API5: variants seen among roughly 807,000 people sequenced by gnomAD.
API5 encodes FIF.
In API5, 6 loss-of-function variants were observed where a neutral mutation model predicts 71.9. That is an observed-to-expected ratio of 0.08 (90% CI 0.05 to 0.16). The LOEUF is 0.16. Ranked by LOEUF, API5 falls within the 10% of genes least tolerant of loss-of-function variation. API5 has a pLI of 1.00. For synonymous variants in API5, 189 were observed against 221.3 expected, an observed-to-expected ratio of 0.85 and a Z score of 1.30; for missense variants, 332 against 612.8, an observed-to-expected ratio of 0.54 and a Z score of 4.84.
At chr11:43,320,771 A>AT (rs751518292) in intron 2 of API5, 50 bp from the exon 3 acceptor site, 2 of 1,358,566 alleles carry the variant, frequency 1.5e-6, no homozygotes, top group Non-Finnish European at 2.1e-6. Flanking sequence ...GCTGTTTGTT[A>AT]TTTTAAAGGT....
At chr11:43,323,678 A>G (rs1334478683) in intron 6 of API5, 42 bp downstream of exon 6, 2 of 1,559,866 alleles carry the variant, frequency 1.3e-6, no homozygotes, top group Non-Finnish European at 1.8e-6. Flanking sequence ...AGCTATATAT[A>G]TATTTCCATA....
intron 13 of API5, among the ~76,000 whole-genome samples, chr11:43,339,614 G>C (rs946741566): frequency 3.3e-5 from 5 of 152,094 alleles, no homozygotes; most frequent in Non-Finnish European, 5.9e-5. Flanking sequence ...GATATGCTTA[G>C]TTTATATCAG....
intron 1 of API5, 106 bp from the exon 2 acceptor site, chr11:43,318,534 C>G: frequency 6.4e-7 from 1 of 1,568,732 alleles, no homozygotes; most frequent in Non-Finnish European, 8.6e-7. Context: ...TATTTCTTAG[C>G]CTGTGTAAAA....
chr11:43,325,817 A>G (rs939846475), intron 6 of API5, among the ~76,000 whole-genome samples: 1 of 152,172 alleles, frequency 6.6e-6, no homozygotes, highest in African/African-American at 2.4e-5. Flanking sequence ...ACCAGTTAAG[A>G]GGAAGGGCTA....
intron 1 of API5, 63 bp from the exon 2 acceptor site, chr11:43,318,577 T>G: frequency 6.3e-7 from 1 of 1,591,146 alleles, no homozygotes; most frequent in Non-Finnish European, 8.6e-7. Context: ...TTTGTTATGG[T>G]CTTTTACTTT....
chr11:43,333,269 G>A (rs1314134137), intron 11 of API5, among the ~76,000 whole-genome samples: 2 of 152,096 alleles, frequency 1.3e-5, no homozygotes, highest in East Asian at 3.9e-4. Flanking sequence ...ATACTTTAAA[G>A]CATCTCTAGA....
rs1437344527 is a variant in API5 at position 43,327,873 on chromosome 11, T to C, written c.940T>C (p.Leu314=). ...ETNLRKLFDK[L]LEYMPLPPEE... is the part of the protein sequence containing the mutation. The stretch of plus-strand genomic sequence containing the variant: ...AAATTTAAGGAAACTATTTGATAAG[T>C]TATTGGTAAGAACTTTTTCCTTTCC... Residue 314 remains leucine (L), a synonymous_variant, in exon 8 of 14, where the codon TTA becomes CTA. Coordinates refer to ENST00000531273, the MANE Select transcript of API5 (RefSeq NM_001142930.2). 5.0e-6 allele frequency: 8 copies of C among 1,608,242 alleles called. No individual in the cohort carries two copies. Among genetic ancestry groups the C allele is most frequent in the Non-Finnish European group, 6.8e-6 (8 of 1,175,852 alleles).
intron 10 of API5, 103 bp from the exon 11 acceptor site, chr11:43,330,405 G>A (rs7946465): frequency 5.1e-5 from 44 of 868,618 alleles, no homozygotes; most frequent in African/African-American, 1.0e-4. Flanking sequence ...AGACTGTAGA[G>A]GTGATTCTGA....
intron 1 of API5, among the ~76,000 whole-genome samples, chr11:43,312,872 G>T (rs909598909): frequency 6.6e-6 from 1 of 152,110 alleles, no homozygotes; most frequent in Non-Finnish European, 1.5e-5. Context: ...ACTTTGGGAG[G>T]CCGAGGCGGG....
intron 8 of API5, 124 bp from the exon 9 acceptor site, chr11:43,328,588 T>G: frequency 1.2e-6 from 1 of 819,702 alleles, no homozygotes; most frequent in Non-Finnish European, 1.9e-6. Flanking sequence ...GAAATCCAAA[T>G]GTCTGGTTTT....
chr11:43,340,852 C>T (rs1054777287), intron 13 of API5, among the ~76,000 whole-genome samples: 2 of 152,032 alleles, frequency 1.3e-5, no homozygotes, highest in Non-Finnish European at 2.9e-5. Context: ...TAAGAGAAAA[C>T]AAGAAGCACT....
In API5 at chr11:43,344,058, A is replaced by ATG. The variant is rs1855707621; in HGVS notation, c.*1548_*1549insTG. 1 of 152,642 alleles carries ATG rather than the reference A, an allele frequency of 6.6e-6. No homozygotes were observed. Among genetic ancestry groups the ATG allele is most frequent in the Non-Finnish European group, 1.5e-5 (1 of 68,040 alleles). 9.5% of individuals were successfully genotyped at this position (152,642 alleles called of 1,614,324 possible). ...CTATGGAGTGGTGGCAATAATCTCT[A>ATG]AACATTCCAAAAGACCATGAGCTGA... is the stretch of plus-strand genomic sequence containing the variant. On this transcript the variant is annotated 3_prime_UTR_variant, in exon 14 of 14. Coordinates refer to ENST00000531273, the MANE Select transcript of API5 (RefSeq NM_001142930.2).
intron 7 of API5, 129 bp downstream of exon 7, chr11:43,326,740 C>T (rs1855089567): frequency 3.4e-6 from 2 of 583,338 alleles, no homozygotes; most frequent in African/African-American, 1.9e-5. Flanking sequence ...CCAGTAATCT[C>T]CCTAGACCAG....
intron 9 of API5, 123 bp downstream of exon 9, chr11:43,329,016 AG>A: frequency 1.0e-6 from 1 of 982,826 alleles, no homozygotes; most frequent in South Asian, 1.6e-5. Flanking sequence ...TACAGATTGG[AG>A]GGTTCAGAAA....
At chr11:43,321,582 C>A in intron 4 of API5, 106 bp downstream of exon 4, 1 of 900,984 alleles carries the variant, frequency 1.1e-6, no homozygotes, top group Non-Finnish European at 1.6e-6. Flanking sequence ...AGTTCTATTT[C>A]ATAAAAATTC....
chr11:43,330,322 A>G (rs896496980), intron 10 of API5, 186 bp from the exon 11 acceptor site: 8 of 636,418 alleles, frequency 1.3e-5, no homozygotes, highest in Non-Finnish European at 1.6e-5. Flanking sequence ...TTTCTTTGCT[A>G]CATCTAGATT....
chr11:43,314,960 A>G (rs959823662), intron 1 of API5, among the ~76,000 whole-genome samples: 1 of 152,210 alleles, frequency 6.6e-6, no homozygotes, highest in Non-Finnish European at 1.5e-5. Flanking sequence ...TTCTTGATGT[A>G]GCAAAGCCTG....
Position 43,328,734 on chromosome 11 carries a change from A to C in API5, c.968A>C (p.Glu323Ala). Residue 323 changes from glutamate to alanine, a missense_variant, in exon 9 of 14, where the codon GAA becomes GCA. Physicochemically the swap from Glu to Ala is moderately radical, Grantham distance 107. This residue lies in a region of API5 where 168 missense variants were observed against 343.9 expected (regional missense o/e 0.49). Transcript: ENST00000531273. ...TAGGAATACATGCCCCTCCCTCCAG[A>C]AGAGGCAGAAAATGGAGAGAATGCT... ...KLLEYMPLPP[E>A]EAENGENAGN... The C allele has an allele frequency of 6.2e-7, 1 of 1,613,774 alleles. No individual in the cohort carries two copies. Among genetic ancestry groups the C allele is most frequent in the Non-Finnish European group, 8.5e-7 (1 of 1,179,730 alleles).
In API5 at chr11:43,342,569, T is replaced by C. The variant is rs749835991; in HGVS notation, c.*59T>C. On this transcript the variant is annotated 3_prime_UTR_variant, in exon 14 of 14. Coordinates refer to ENST00000531273, the MANE Select transcript of API5 (RefSeq NM_001142930.2). ...GCTTAATATACTTAAATTCTACTAC[T>C]CATTGGATTGCCGGGGATGTCCCTT... The C allele has an allele frequency of 6.4e-7, 1 of 1,551,062 alleles. No homozygotes were observed. Among genetic ancestry groups the C allele is most frequent in the Non-Finnish European group, 8.9e-7 (1 of 1,125,782 alleles).
Sources: gnomAD v4.1 joint callset for allele counts (sites outside exome capture counted in the v4.1 genomes callset) on GRCh38, gnomAD v4.1.1 for gene constraint, gnomAD v4.1.1 regional missense constraint, MANE v1.5 for transcripts, NCBI Gene and HGNC (gene_info 2026-07-23, HGNC 2026-07-21) for gene names.